The following ACOT12 variants were observed in gnomAD, a reference collection of about 807,000 sequenced individuals.
ACOT12 encodes acyl-CoA thioesterase 12.
In ACOT12, 51 loss-of-function variants were observed where a neutral mutation model predicts 67.7. The observed-to-expected ratio is 0.75, with a 90% CI of 0.60 to 0.95. The LOEUF (loss-of-function observed/expected upper bound fraction) is 0.95, where lower values mean the gene tolerates loss of function less well. ACOT12 is among the 40% of genes least tolerant of loss of function. ACOT12 has a pLI of 0.00. For synonymous variants in ACOT12, 251 were observed against 244.6 expected (o/e 1.03, Z -0.24); for missense variants, 734 against 708.1 (o/e 1.04, Z -0.41).
At chr5:81,377,318 C>T (rs1056530313) in intron 2 of ACOT12, among the ~76,000 whole-genome samples, 2 of 152,070 alleles carry the variant, frequency 1.3e-5, no homozygotes, top group African/African-American at 4.8e-5. Flanking sequence ...TCTCAATAAA[C>T]TGATATTGAT....
At chr5:81,318,887 A>C in the ACOT12 span, among the ~76,000 whole-genome samples, 2 of 152,210 alleles carry the variant, frequency 1.3e-5, no homozygotes, top group Non-Finnish European at 2.9e-5. Flanking sequence ...GAGAACTGCC[A>C]AGCAGGAAAA....
At chr5:81,387,004 TTTTTTTTTTTTTTTC>T (rs1472368966) in intron 1 of ACOT12, among the ~76,000 whole-genome samples, 59 of 105,884 alleles carry the variant, frequency 5.6e-4, no homozygotes, top group Admixed American at 1.7e-3. Context: ...CATTTTTTTT[TTTTTTTTTTTTTTTC>T]TTTTTTCAGA....
At chr5:81,328,669 C>G (rs1171685121), downstream of ACOT12, among the ~76,000 whole-genome samples, 1 of 152,078 alleles carries the variant, frequency 6.6e-6, no homozygotes, top group Non-Finnish European at 1.5e-5. Context: ...GCTGAATGAT[C>G]CAAGAAAGCG....
At chr5:81,312,711 C>T in the ACOT12 span, 1 of 1,381,290 alleles carries the variant, frequency 7.2e-7, no homozygotes. Flanking sequence ...ACTTTCTAAA[C>T]CAGGCCCGCT....
chr5:81,371,843 T>A lies in ACOT12; in HGVS notation c.198-33A>T, dbSNP rs778479671. The A allele has an allele frequency of 2.5e-6, 4 of 1,575,974 alleles. No homozygotes were observed. The East Asian group carries it at 9.0e-5, about 35-fold the overall frequency. On this transcript the variant is annotated intron_variant, in intron 2 of 14. Transcript: ENST00000307624. ...AAAACAAACAAAAAAACCTCAGTAG[T>A]TTTAGCACATTTCATTTCAGATAAG... is the stretch of plus-strand genomic sequence containing the variant.
downstream of ACOT12, among the ~76,000 whole-genome samples, chr5:81,328,923 A>G (rs1004223024): frequency 6.6e-6 from 1 of 152,182 alleles, no homozygotes; most frequent in African/African-American, 2.4e-5. Flanking sequence ...GTGACTAATA[A>G]TACTTGAAAT....
At chr5:81,378,524 G>T (rs1031646127) in intron 2 of ACOT12, among the ~76,000 whole-genome samples, 1 of 152,078 alleles carries the variant, frequency 6.6e-6, no homozygotes, top group African/African-American at 2.4e-5. Context: ...CCAAGCAAAA[G>T]AAACTATCAT....
At position 81,343,896 on chromosome 5, in the gene ACOT12, TA is replaced by T; in HGVS notation, c.981-16del. ...TAACATATTTTCTGGAAAAAAAAATTAAAGTGTTAAATGACAGTTTTTTTCT... is the reference window on the plus strand; with the variant it reads ...TAACATATTTTCTGGAAAAAAAAATTAAGTGTTAAATGACAGTTTTTTTCT... On this transcript the variant is annotated splice_polypyrimidine_tract_variant and intron_variant, in intron 9 of 14. Transcript: ENST00000307624. The T allele has an allele frequency of 6.2e-7, 1 of 1,608,760 alleles. No homozygotes were observed. Among genetic ancestry groups the T allele is most frequent in the South Asian group, 1.1e-5 (1 of 90,558 alleles).
At chr5:81,340,155 A>G (rs1382369938) in intron 11 of ACOT12, among the ~76,000 whole-genome samples, 1 of 151,226 alleles carries the variant, frequency 6.6e-6, no homozygotes, top group East Asian at 1.9e-4. Flanking sequence ...CTCATGCCTA[A>G]GCCTCCCAAG....
intron 1 of ACOT12, 85 bp downstream of exon 1, chr5:81,393,903 G>T: frequency 8.1e-7 from 1 of 1,235,738 alleles, no homozygotes; most frequent in Non-Finnish European, 1.0e-6. Flanking sequence ...TACCTTCCTC[G>T]CCTTCCTACC....
intron 3 of ACOT12, 47 bp downstream of exon 3, chr5:81,371,703 G>A: frequency 1.3e-6 from 2 of 1,563,602 alleles, no homozygotes; most frequent in Non-Finnish European, 1.8e-6. Flanking sequence ...TGTAAACAAT[G>A]AAGAAGTGAG....
At chr5:81,364,649 G>C (rs376522308) in intron 3 of ACOT12, among the ~76,000 whole-genome samples, 2 of 152,036 alleles carry the variant, frequency 1.3e-5, no homozygotes, top group African/African-American at 4.8e-5. Flanking sequence ...GGATGGTCTC[G>C]ATCTCATGAC....
chr5:81,326,454 T>G (rs1385989131), downstream of ACOT12, among the ~76,000 whole-genome samples: 1 of 152,140 alleles, frequency 6.6e-6, no homozygotes, highest in East Asian at 1.9e-4. Context: ...AGCCTCTTAT[T>G]GTTTTGTGGA....
At chr5:81,378,163 G>A (rs1377762557) in intron 2 of ACOT12, among the ~76,000 whole-genome samples, 3 of 152,094 alleles carry the variant, frequency 2.0e-5, no homozygotes. Context: ...ACAGAACAGA[G>A]GCTTCAGAAA....
chr5:81,314,780 T>C, the ACOT12 span, among the ~76,000 whole-genome samples: 1 of 151,650 alleles, frequency 6.6e-6, no homozygotes, highest in South Asian at 2.1e-4. Flanking sequence ...AAATGTTTTA[T>C]TACATTCCTA....
At chr5:81,377,007 G>A (rs567844424) in intron 2 of ACOT12, among the ~76,000 whole-genome samples, 8 of 152,266 alleles carry the variant, frequency 5.3e-5, no homozygotes, top group Non-Finnish European at 1.2e-4. Flanking sequence ...GCATCATCCT[G>A]ATACCAAGAC....
chr5:81,334,491 G>A (rs1207991003), intron 12 of ACOT12, among the ~76,000 whole-genome samples: 3 of 152,176 alleles, frequency 2.0e-5, no homozygotes, highest in Non-Finnish European at 4.4e-5. Flanking sequence ...CCACACCCTT[G>A]TCGCAGGCCC....
At chr5:81,351,879 A>G (rs1201324891) in intron 5 of ACOT12, among the ~76,000 whole-genome samples, 3 of 152,256 alleles carry the variant, frequency 2.0e-5, no homozygotes, top group Admixed American at 6.5e-5. Flanking sequence ...AATAACCAGA[A>G]TATATAAGGA....
At chr5:81,310,804 A>G in the ACOT12 span, among the ~76,000 whole-genome samples, 4 of 152,328 alleles carry the variant, frequency 2.6e-5, no homozygotes, top group Non-Finnish European at 5.9e-5. Flanking sequence ...TTTTTGGGCC[A>G]TTGACTGTTT....
Sources: allele counts gnomAD v4.1 joint callset (sites outside exome capture counted in the v4.1 genomes callset), GRCh38; gene constraint gnomAD v4.1.1; transcripts MANE v1.5; gene names NCBI Gene and HGNC (gene_info 2026-07-23, HGNC 2026-07-21).